The following RAB38 variants were observed in gnomAD, a reference collection of about 807,000 sequenced individuals.
RAB38 encodes RAB38, member RAS oncogene family.
RAB38 carries 15 observed loss-of-function variants against 18.4 expected under a neutral mutation model. The ratio of observed to expected loss-of-function variants is 0.82; its 90% confidence interval spans 0.55 to 1.26. RAB38 has a LOEUF of 1.26. Ranked by LOEUF, RAB38 falls within the 50% of genes most tolerant of loss-of-function variation. The pLI is 0.00. For synonymous variants in RAB38, 101 were observed against 104.4 expected (o/e 0.97, Z 0.20); for missense variants, 294 against 267.4 (o/e 1.10, Z -0.69).
At chr11:87,843,932 T>TA in the RAB38 span, among the ~76,000 whole-genome samples, 3 of 152,172 alleles carry the variant, frequency 2.0e-5, no homozygotes, top group East Asian at 3.9e-4. Flanking sequence ...CCTTTTAACT[T>TA]AAAAAACTAG....
At chr11:88,008,954 G>C in the RAB38 span, among the ~76,000 whole-genome samples, 2 of 152,212 alleles carry the variant, frequency 1.3e-5, no homozygotes, top group Non-Finnish European at 2.9e-5. Context: ...TTACAGGCGT[G>C]AACCACTGTG....
At chr11:88,127,027 A>C (rs1420676285) in intron 2 of RAB38, among the ~76,000 whole-genome samples, 1 of 152,226 alleles carries the variant, frequency 6.6e-6, no homozygotes, top group African/African-American at 2.4e-5. Flanking sequence ...AGATATTTCC[A>C]AGTGGGTTCT....
chr11:87,927,686 C>G, the RAB38 span, among the ~76,000 whole-genome samples: 2 of 151,782 alleles, frequency 1.3e-5, no homozygotes, highest in African/African-American at 4.8e-5. Flanking sequence ...TCTTCAAATC[C>G]CTTTCTGCCT....
the RAB38 span, among the ~76,000 whole-genome samples, chr11:88,027,733 G>T: frequency 0.1 from 15,569 of 152,224 alleles, 1,550 homozygotes; most frequent in East Asian, 0.33. Context: ...CTCCAACTGG[G>T]TGGAGCCCAC....
chr11:88,153,344 C>T (rs1264475391), intron 1 of RAB38, among the ~76,000 whole-genome samples: 2 of 152,208 alleles, frequency 1.3e-5, no homozygotes, highest in Non-Finnish European at 2.9e-5. Flanking sequence ...TACACACAAA[C>T]ATCACAGCTA....
the RAB38 span, among the ~76,000 whole-genome samples, chr11:87,912,425 A>G: frequency 1.3e-5 from 2 of 151,940 alleles, no homozygotes; most frequent in Non-Finnish European, 2.9e-5. Context: ...TGAGCTTTTT[A>G]TAGTTTGTGT....
chr11:87,834,806 T>C, the RAB38 span, among the ~76,000 whole-genome samples: 5 of 152,112 alleles, frequency 3.3e-5, no homozygotes, highest in Non-Finnish European at 5.9e-5. Context: ...GTAGAACTAG[T>C]TGTGGTGAAG....
chr11:88,088,524 A>AG, the RAB38 span, among the ~76,000 whole-genome samples: 1 of 151,880 alleles, frequency 6.6e-6, no homozygotes. Flanking sequence ...CTAACTGAAG[A>AG]GGGGAGCTAT....
chr11:87,967,648 C>A, the RAB38 span, among the ~76,000 whole-genome samples: 1 of 152,260 alleles, frequency 6.6e-6, no homozygotes, highest in African/African-American at 2.4e-5. Flanking sequence ...CCAGTGTTTC[C>A]TTCCAGGTGG....
the RAB38 span, among the ~76,000 whole-genome samples, chr11:87,866,591 C>T: frequency 6.6e-6 from 1 of 151,684 alleles, no homozygotes; most frequent in African/African-American, 2.4e-5. Flanking sequence ...TACCTTTTAC[C>T]AAACCTGCTT....
At chr11:88,069,728 A>G in the RAB38 span, among the ~76,000 whole-genome samples, 1 of 152,150 alleles carries the variant, frequency 6.6e-6, no homozygotes, top group Non-Finnish European at 1.5e-5. Flanking sequence ...TAAACACACC[A>G]ATCAGCACTC....
the RAB38 span, among the ~76,000 whole-genome samples, chr11:88,026,023 G>A: frequency 6.6e-6 from 1 of 151,888 alleles, no homozygotes; most frequent in African/African-American, 2.4e-5. Context: ...GGAGTGCAAT[G>A]GCGCGATTTT....
the RAB38 span, among the ~76,000 whole-genome samples, chr11:88,085,153 G>A: frequency 6.6e-6 from 1 of 151,864 alleles, no homozygotes; most frequent in African/African-American, 2.4e-5. Flanking sequence ...GTCTTTACAG[G>A]AGCAATGATG....
chr11:88,021,214 A>G, the RAB38 span, among the ~76,000 whole-genome samples: 1 of 152,194 alleles, frequency 6.6e-6, no homozygotes, highest in Non-Finnish European at 1.5e-5. Context: ...ACTAAGAAAG[A>G]GAGAAGACCC....
At chr11:88,034,574 A>ATGTCACT in the RAB38 span, among the ~76,000 whole-genome samples, 19 of 152,230 alleles carry the variant, frequency 1.2e-4, no homozygotes, top group Non-Finnish European at 4.4e-5. Context: ...ATTGTAGTTT[A>ATGTCACT]AATTTGCATG....
chr11:88,112,202 G>C (rs1942482521), downstream of RAB38, among the ~76,000 whole-genome samples: 1 of 152,156 alleles, frequency 6.6e-6, no homozygotes, highest in South Asian at 2.1e-4. Flanking sequence ...AGATTCTGTA[G>C]TTCATTTGAT....
chr11:87,818,291 C>G, the RAB38 span, among the ~76,000 whole-genome samples: 3 of 152,140 alleles, frequency 2.0e-5, no homozygotes, highest in South Asian at 6.2e-4. Context: ...ATTCCTCAAA[C>G]TAGTATGCCA....
chr11:87,886,652 AC>A, the RAB38 span, among the ~76,000 whole-genome samples: 1 of 151,892 alleles, frequency 6.6e-6, no homozygotes, highest in African/African-American at 2.4e-5. Flanking sequence ...TAGTACAAAC[AC>A]TTTTATTTAA....
chr11:87,946,960 C>T, the RAB38 span, among the ~76,000 whole-genome samples: 170 of 151,562 alleles, frequency 1.1e-3, no homozygotes, highest in Admixed American at 1.9e-3. Flanking sequence ...CCTGAGGAAT[C>T]GCCACACTGA....
Sources: gnomAD v4.1 joint callset for allele counts (sites outside exome capture counted in the v4.1 genomes callset) on GRCh38, gnomAD v4.1.1 for gene constraint, MANE v1.5 for transcripts, NCBI Gene and HGNC (gene_info 2026-07-23, HGNC 2026-07-21) for gene names.